INPP4A: variants seen among roughly 807,000 people sequenced by gnomAD.
The protein encoded by INPP4A is inositol polyphosphate-4-phosphatase type I A.
Under a neutral mutation model 119.8 loss-of-function variants are expected in INPP4A, and 33 were observed. That is an observed-to-expected ratio of 0.28 (90% CI 0.21 to 0.37). The LOEUF (loss-of-function observed/expected upper bound fraction) is 0.37. Among genes scored for constraint, INPP4A ranks in the 10% least tolerant of loss-of-function variants. The pLI is 1.00. For missense variants in INPP4A, 956 were observed against 1,289.9 expected, an observed-to-expected ratio of 0.74 and a Z score of 3.97; for synonymous variants, 496 against 500.7, an observed-to-expected ratio of 0.99 and a Z score of 0.12.
At chr2:98,567,144 T>C (rs1235271678) in intron 21 of INPP4A, among the ~76,000 whole-genome samples, 2 of 151,882 alleles carry the variant, frequency 1.3e-5, no homozygotes, top group Non-Finnish European at 2.9e-5. Context: ...CGGGAGGAGA[T>C]GAAGGGGACA....
intron 9 of INPP4A, among the ~76,000 whole-genome samples, 194 bp downstream of exon 9, chr2:98,539,175 A>G (rs1006975835): frequency 6.6e-6 from 1 of 152,194 alleles, no homozygotes. Context: ...TTTTCCTTGA[A>G]AGAGGATTAA....
chr2:98,543,082 G>A (rs1441062520), intron 10 of INPP4A, among the ~76,000 whole-genome samples: 1 of 152,026 alleles, frequency 6.6e-6, no homozygotes, highest in Non-Finnish European at 1.5e-5. Flanking sequence ...ACCACGCCCG[G>A]CTAATTTTTT....
intron 1 of INPP4A, among the ~76,000 whole-genome samples, chr2:98,466,347 T>C (rs1262658447): frequency 6.6e-6 from 1 of 152,168 alleles, no homozygotes; most frequent in African/African-American, 2.4e-5. Flanking sequence ...TGCCCGGCCT[T>C]GTTATGTTTT....
intron 1 of INPP4A, among the ~76,000 whole-genome samples, chr2:98,461,957 AC>A (rs1378378211): frequency 1.3e-5 from 2 of 151,786 alleles, no homozygotes; most frequent in Admixed American, 1.3e-4. Flanking sequence ...AGGAAGCTGC[AC>A]CCCCCTTGCT....
intron 1 of INPP4A, among the ~76,000 whole-genome samples, chr2:98,459,349 C>G (rs1467628178): frequency 6.6e-6 from 1 of 152,182 alleles, no homozygotes; most frequent in Non-Finnish European, 1.5e-5. Flanking sequence ...AAGGGGGTCG[C>G]TGCTGAGTAG....
intron 1 of INPP4A, among the ~76,000 whole-genome samples, chr2:98,450,038 C>T (rs1472824554): frequency 1.3e-5 from 2 of 151,920 alleles, no homozygotes; most frequent in South Asian, 2.1e-4. Context: ...GTGGAAGTTA[C>T]GGTAACTTTG....
At chr2:98,500,410 G>A (rs1221734038) in intron 1 of INPP4A, among the ~76,000 whole-genome samples, 2 of 152,128 alleles carry the variant, frequency 1.3e-5, no homozygotes, top group African/African-American at 4.8e-5. Context: ...CCTGCTCCAG[G>A]TCCATTGTCT....
intron 1 of INPP4A, among the ~76,000 whole-genome samples, chr2:98,479,729 G>A (rs1420002935): frequency 1.3e-5 from 2 of 152,202 alleles, no homozygotes; most frequent in African/African-American, 2.4e-5. Context: ...ACACAGGATA[G>A]CAACAGATTT....
At position 98,544,022 on chromosome 2, in the gene INPP4A, A is replaced by G. The variant is rs568553259; in HGVS notation, c.949+15A>G. On this transcript the variant is annotated intron_variant, in intron 11 of 24. Transcript: ENST00000409851. ...TCAGTACAGAGGTGGGTGCACCCCC[A>G]TGCTGTCACCACACACGCGTGCGCA... The G allele has an allele frequency of 6.4e-6, 10 of 1,551,624 alleles. No individual in the cohort carries two copies. In the East Asian group the frequency reaches 2.4e-4, roughly 38 times the overall value.
In INPP4A at chr2:98,577,124, G is replaced by T; in HGVS notation, c.2767G>T (p.Ala923Ser). Residue 923 changes from alanine to serine, a missense_variant, in exon 24 of 25, where the codon GCC (alanine) becomes TCC (serine). By Grantham distance (99) the Ala-to-Ser change is moderately conservative. This residue lies in a region of INPP4A where 304 missense variants were observed against 492.1 expected (regional missense o/e 0.62). Coordinates refer to ENST00000409851, the MANE Select transcript of INPP4A (RefSeq NM_001134225.2). ...CATGGCCCCGCAGGTCTTCACCCAG[G>T]CCCTGGAGTGCATGCGCAGGTGAGT... is the stretch of plus-strand genomic sequence containing the variant. ...HGMAPQVFTQ[A>S]LECMRSEGCR... The T allele has an allele frequency of 3.1e-6, 5 of 1,611,780 alleles. No homozygotes were observed. Among genetic ancestry groups the T allele is most frequent in the Non-Finnish European group, 4.2e-6 (5 of 1,178,824 alleles).
chr2:98,544,213 C>T (rs1297379127), intron 11 of INPP4A, among the ~76,000 whole-genome samples: 1 of 152,136 alleles, frequency 6.6e-6, no homozygotes, highest in East Asian at 1.9e-4. Flanking sequence ...ATGGGTTTTT[C>T]TGATCTTAAT....
chr2:98,492,078 T>C (rs1680920222), intron 1 of INPP4A, among the ~76,000 whole-genome samples: 1 of 152,110 alleles, frequency 6.6e-6, no homozygotes, highest in African/African-American at 2.4e-5. Context: ...TCAGTAGTGA[T>C]GGGGTTTCAC....
intron 19 of INPP4A, 125 bp downstream of exon 19, chr2:98,564,888 A>G (rs1486091303): frequency 1.2e-5 from 14 of 1,193,062 alleles, no homozygotes; most frequent in Non-Finnish European, 1.6e-5. Context: ...AATATATAAC[A>G]GCAGACCAGA....
In INPP4A at chr2:98,485,651, G is replaced by T. The variant is rs760034825; in HGVS notation, c.-165-33313G>T. 2.0e-5 allele frequency among the ~76,000 whole-genome samples: 3 copies of T among 152,042 alleles called. No individual in the cohort carries two copies. The South Asian group carries it at 6.2e-4, about 32-fold the overall frequency. Reference sequence around the variant, plus strand: ...ACCCAGCTGAGAGTTCCTTTATTTTGTTGATTTCAGGGTGTAGGTATTTAA... The same window carrying T: ...ACCCAGCTGAGAGTTCCTTTATTTTTTTGATTTCAGGGTGTAGGTATTTAA... On this transcript the variant is annotated intron_variant, in intron 1 of 24. Transcript: ENST00000409851.
At chr2:98,552,578 A>G (rs1312805907) in intron 13 of INPP4A, 3 of 701,878 alleles carry the variant, frequency 4.3e-6, no homozygotes, top group Non-Finnish European at 7.9e-6. Flanking sequence ...AGACTGAGTC[A>G]TAGTTTAATA....
chr2:98,516,183 G>A (rs906620148), intron 1 of INPP4A, among the ~76,000 whole-genome samples: 7 of 152,200 alleles, frequency 4.6e-5, no homozygotes, highest in Non-Finnish European at 8.8e-5. Context: ...TTATATTAAT[G>A]AGACCAAGAA....
intron 1 of INPP4A, among the ~76,000 whole-genome samples, chr2:98,471,590 G>T (rs553461056): frequency 2.0e-5 from 3 of 152,208 alleles, no homozygotes; most frequent in Non-Finnish European, 4.4e-5. Flanking sequence ...CAGGTTGAGC[G>T]CTCAGGAACC....
At chr2:98,553,061 C>A in intron 14 of INPP4A, 92 bp downstream of exon 14, 1 of 983,608 alleles carries the variant, frequency 1.0e-6, no homozygotes, top group Non-Finnish European at 1.5e-6. Context: ...AGATGGTCCA[C>A]AAAGAGCGTG....
intron 7 of INPP4A, 47 bp downstream of exon 7, chr2:98,536,255 T>A: frequency 1.7e-6 from 2 of 1,206,728 alleles, no homozygotes; most frequent in Non-Finnish European, 2.4e-6. Context: ...AATCATGAGG[T>A]CCAGGGACAG....
Sources: allele counts gnomAD v4.1 joint callset (sites outside exome capture counted in the v4.1 genomes callset), GRCh38; gene constraint gnomAD v4.1.1; regional missense constraint gnomAD v4.1.1; transcripts MANE v1.5; gene names NCBI Gene and HGNC (gene_info 2026-07-23, HGNC 2026-07-21).